Variants in CCDC83 observed in about 807,000 individuals in gnomAD.
CCDC83 encodes the protein coiled-coil domain containing 83.
A neutral mutation model predicts 50.1 loss-of-function variants in CCDC83; 54 were observed. The observed-to-expected ratio is 1.08, with a 90% CI of 0.87 to 1.35. The LOEUF (loss-of-function observed/expected upper bound fraction) is 1.35, where lower values mean the gene tolerates loss of function less well. Ranked by LOEUF, CCDC83 falls within the 40% of genes most tolerant of loss-of-function variation. The pLI is 0.00. For synonymous variants in CCDC83, 161 were observed against 153.3 expected, an observed-to-expected ratio of 1.05 and a Z score of -0.37; for missense variants, 518 against 473.9, an observed-to-expected ratio of 1.09 and a Z score of -0.86.
rs183644461 is a variant in CCDC83, at chr11:85,914,939, G to C, written c.795-480G>C. Among the ~76,000 whole-genome samples, 32 of 152,268 alleles carry C rather than the reference G, an allele frequency of 2.1e-4. No homozygotes were observed. In the East Asian group the frequency reaches 4.6e-3, roughly 22 times the overall value. The stretch of plus-strand genomic sequence containing the variant: ...GAAGAAGTGCAGAGCGAAGGTTGGA[G>C]AAAAGCCCCTTATAAATTATCAGAT... On this transcript the variant is annotated intron_variant, in intron 8 of 10. Transcript: ENST00000342404.
intron 5 of CCDC83, among the ~76,000 whole-genome samples, chr11:85,887,659 C>CATATATATATATATAT (rs145805921): frequency 1.3e-5 from 2 of 148,636 alleles, no homozygotes; most frequent in African/African-American, 4.9e-5. Context: ...ATATTCTATG[C>CATATATATATATATAT]ATATATATAT....
Position 85,886,234 on chromosome 11 carries a change from A to G in CCDC83, c.378A>G (p.Leu126=). 1 of 1,598,798 alleles carries G rather than the reference A, an allele frequency of 6.3e-7. No individual in the cohort carries two copies. The highest frequency in any genetic ancestry group is 8.5e-7 in the Non-Finnish European group (1 of 1,174,818). The change falls in exon 5 of 11, where the codon CTA becomes CTG. Residue 126 remains leucine (L), a synonymous_variant. Coordinates refer to ENST00000342404, the MANE Select transcript of CCDC83 (RefSeq NM_001286159.2). ...TGCAAATAAGTAATGCTGAGAAACT[A>G]TTTCTTGAGAAACTCAGTGAAAAGG... ...MRMQISNAEK[L]FLEKLSEKEY...
chr11:85,895,363 A>C lies in CCDC83; in HGVS notation c.582A>C (p.Gln194His). The change falls in exon 6 of 11, where the codon CAA (glutamine) becomes CAC (histidine). Residue 194 changes from glutamine to histidine, a missense_variant. By Grantham distance (24) the Gln-to-His change is conservative. Transcript: ENST00000342404. ...AGGAAACTTTGTTGCAACTGGACCA[A>C]AAGAAGGAATGGGCCACACAGGTAT... The part of the protein sequence containing the change: ...IIKETLLQLD[Q>H]KKEWATQNAV... The C allele has an allele frequency of 2.5e-6, 4 of 1,584,142 alleles. No homozygotes were observed. The highest frequency in any genetic ancestry group is 3.4e-6 in the Non-Finnish European group (4 of 1,159,952).
chr11:85,917,166 G>GAAAGAAAGAA (rs59229600), intron 10 of CCDC83, among the ~76,000 whole-genome samples: 1,289 of 61,882 alleles, frequency 0.021, 21 homozygotes, highest in Middle Eastern at 0.1. Flanking sequence ...GAGAGAGAGA[G>GAAAGAAAGAA]AGAAAGAAAG....
chr11:85,905,341 C>T (rs1458292167), intron 7 of CCDC83, among the ~76,000 whole-genome samples: 1 of 151,590 alleles, frequency 6.6e-6, no homozygotes, highest in African/African-American at 2.4e-5. Context: ...ACTCGGGAGG[C>T]TGAGGCAGGA....
chr11:85,870,755 C>T (rs1046317457), intron 2 of CCDC83, among the ~76,000 whole-genome samples: 2 of 152,244 alleles, frequency 1.3e-5, no homozygotes, highest in South Asian at 2.1e-4. Context: ...CTGTTATTTT[C>T]CCCATGGTAT....
At chr11:85,908,242 G>A (rs933041486) in intron 7 of CCDC83, among the ~76,000 whole-genome samples, 10 of 152,060 alleles carry the variant, frequency 6.6e-5, no homozygotes, top group African/African-American at 2.4e-4. Context: ...TGGATTATAA[G>A]CTCTCTTGAG....
chr11:85,886,578 G>C (rs573919791), intron 5 of CCDC83, among the ~76,000 whole-genome samples: 1 of 152,276 alleles, frequency 6.6e-6, no homozygotes, highest in South Asian at 2.1e-4. Context: ...TAAAGAAATG[G>C]GCGGGTGGGG....
chr11:85,903,378 T>C (rs1251322232), intron 7 of CCDC83, among the ~76,000 whole-genome samples: 1 of 152,144 alleles, frequency 6.6e-6, no homozygotes, highest in East Asian at 1.9e-4. Flanking sequence ...CACTGCAAAC[T>C]CTGCCTCCCA....
intron 2 of CCDC83, among the ~76,000 whole-genome samples, chr11:85,872,999 T>C (rs994090486): frequency 1.3e-5 from 2 of 151,234 alleles, no homozygotes; most frequent in Non-Finnish European, 2.9e-5. Flanking sequence ...GATTTTTTTT[T>C]CAAAAAAAAA....
rs189380478 is a variant in CCDC83, at chr11:85,910,879, T to C, written c.673-402T>C. On this transcript the variant is annotated intron_variant, in intron 7 of 10. Coordinates refer to ENST00000342404, the MANE Select transcript of CCDC83 (RefSeq NM_001286159.2). ...GAAGTTGAGTTTATTATAGAAAACT[T>C]AATAGAACTTGGCCAGTCATGGTGG... Among the ~76,000 whole-genome samples, 21 of 152,192 alleles carry C rather than the reference T, an allele frequency of 1.4e-4. No homozygotes were observed. The East Asian group carries it at 1.5e-3, about 11-fold the overall frequency.
chr11:85,883,901 T>C (rs1449792926), intron 4 of CCDC83, among the ~76,000 whole-genome samples: 1 of 152,212 alleles, frequency 6.6e-6, no homozygotes, highest in African/African-American at 2.4e-5. Context: ...ACTGTTCCCA[T>C]AGACCTCCTC....
Position 85,915,448 on chromosome 11 carries a change from T to C in CCDC83, c.824T>C (p.Leu275Pro), listed in dbSNP as rs1441982100. 1.2e-6 allele frequency: 2 copies of C among 1,613,532 alleles called. No individual in the cohort carries two copies. Among genetic ancestry groups the C allele is most frequent in the African/African-American group, 2.7e-5 (2 of 75,026 alleles). ...RRLYLTQAAG[L>P]EVPPEEMSLE... ...CTATATCTTACCCAAGCTGCTGGAC[T>C]AGAAGTGCCACCTGAAGAAATGTCT... is the stretch of plus-strand genomic sequence containing the variant. The change falls in exon 9 of 11, where the codon CTA becomes CCA. Residue 275 changes from leucine to proline, a missense_variant. Physicochemically the swap from Leu to Pro is moderately conservative, Grantham distance 98 (BLOSUM62 -3). Transcript: ENST00000342404.
intron 2 of CCDC83, among the ~76,000 whole-genome samples, chr11:85,868,297 C>T (rs181139299): frequency 8.5e-5 from 13 of 152,220 alleles, no homozygotes; most frequent in Admixed American, 2.6e-4. Context: ...GATATAGAAA[C>T]GGGTGAGAAT....
chr11:85,917,070 C>A (rs1303000597), intron 10 of CCDC83, among the ~76,000 whole-genome samples: 1 of 148,912 alleles, frequency 6.7e-6, no homozygotes, highest in African/African-American at 2.5e-5. Flanking sequence ...GAGACTGTAT[C>A]ATTGCACTCC....
chr11:85,904,921 T>A (rs2093418193), intron 7 of CCDC83, among the ~76,000 whole-genome samples: 1 of 151,936 alleles, frequency 6.6e-6, no homozygotes, highest in African/African-American at 2.4e-5. Context: ...AAATTGTCAT[T>A]ATTAAGTCAT....
Position 85,913,266 on chromosome 11 carries a change from A to G in CCDC83, c.794+1864A>G, listed in dbSNP as rs139026209. Among the ~76,000 whole-genome samples the G allele has an allele frequency of 3.2e-3, 489 of 152,326 alleles. 4 individuals are homozygous for G. Among genetic ancestry groups the G allele is most frequent in the African/African-American group, 0.011 (470 of 41,582 alleles). On this transcript the variant is annotated intron_variant, in intron 8 of 10. Transcript: ENST00000342404. ...ACAACACCCTGAACTTTTCCTTTGT[A>G]ACCAACCTTTATCACACTTTTGATT...
At chr11:85,909,371 T>C (rs1306635388) in intron 7 of CCDC83, among the ~76,000 whole-genome samples, 1 of 152,168 alleles carries the variant, frequency 6.6e-6, no homozygotes. Flanking sequence ...CTTTTATTAC[T>C]TCCTCCAGTT....
intron 7 of CCDC83, among the ~76,000 whole-genome samples, chr11:85,901,206 A>G (rs1487014164): frequency 6.6e-6 from 1 of 152,150 alleles, no homozygotes; most frequent in Non-Finnish European, 1.5e-5. Flanking sequence ...ATCTCAATAT[A>G]TATATATATT....
Sources: gnomAD v4.1 joint callset for allele counts (sites outside exome capture counted in the v4.1 genomes callset) on GRCh38, gnomAD v4.1.1 for gene constraint, MANE v1.5 for transcripts, NCBI Gene and HGNC (gene_info 2026-07-23, HGNC 2026-07-21) for gene names.